Variants in SYCP1 observed in about 807,000 individuals in gnomAD.
SYCP1 encodes cancer/testis antigen 8.
Under a neutral mutation model 153.1 loss-of-function variants are expected in SYCP1, and 64 were observed. The ratio of observed to expected loss-of-function variants is 0.42; its 90% CI spans 0.34 to 0.51. The LOEUF (loss-of-function observed/expected upper bound fraction) is 0.51, where lower values mean the gene tolerates loss of function less well. Among genes scored for constraint, SYCP1 ranks in the 20% least tolerant of loss-of-function variants. SYCP1 has a pLI of 0.06. For synonymous variants in SYCP1, 384 were observed against 341.8 expected (o/e 1.12, Z -1.36); for missense variants, 997 against 1,049.0 (o/e 0.95, Z 0.68).
chr1:114,893,867 T>G (rs1381108535), intron 15 of SYCP1, among the ~76,000 whole-genome samples: 1 of 152,098 alleles, frequency 6.6e-6, no homozygotes, highest in East Asian at 1.9e-4. Flanking sequence ...GCCACCCAAA[T>G]TCCTAGGATC....
At chr1:114,934,012 C>T (rs1260300040) in intron 23 of SYCP1, among the ~76,000 whole-genome samples, 1 of 152,078 alleles carries the variant, frequency 6.6e-6, no homozygotes, top group Non-Finnish European at 1.5e-5. Context: ...GGAGAACTTC[C>T]CCAACCTAGC....
intron 27 of SYCP1, among the ~76,000 whole-genome samples, chr1:114,977,106 T>G (rs930483618): frequency 1.3e-5 from 2 of 151,798 alleles, no homozygotes; most frequent in Non-Finnish European, 3.0e-5. Context: ...ATTTTTATCT[T>G]GACTATACAC....
chr1:114,855,527 T>G lies in SYCP1; in HGVS notation c.63T>G (p.Ser21=). 6.2e-7 allele frequency: 1 copy of G among 1,612,412 alleles called. No homozygotes were observed. Among genetic ancestry groups the G allele is most frequent in the Non-Finnish European group, 8.5e-7 (1 of 1,179,056 alleles). ...VPPRSSSSQV[S]AVKPQTLGGD... ...CGAGATCAAGCAGCAGTCAGGTGTC[T>G]GCGGTGAAACCTCAGACCCTGGGAG... The change falls in exon 2 of 32, where the codon TCT becomes TCG. Residue 21 remains serine, a synonymous_variant. Coordinates refer to ENST00000369522, the MANE Select transcript of SYCP1 (RefSeq NM_003176.4).
chr1:114,933,132 G>T (rs924279397), intron 23 of SYCP1, among the ~76,000 whole-genome samples: 1 of 152,166 alleles, frequency 6.6e-6, no homozygotes, highest in African/African-American at 2.4e-5. Flanking sequence ...TAGCCTAACT[G>T]GGAGGCACCT....
In SYCP1 at chr1:114,856,556, C is replaced by A. The variant is rs764577075; in HGVS notation, c.109-17C>A. 1.3e-6 allele frequency: 2 copies of A among 1,587,780 alleles called. No individual in the cohort carries two copies. Among genetic ancestry groups the A allele is most frequent in the African/African-American group, 1.3e-5 (1 of 74,170 alleles). On this transcript the variant is annotated splice_polypyrimidine_tract_variant and intron_variant, in intron 2 of 31. Coordinates refer to ENST00000369522, the MANE Select transcript of SYCP1 (RefSeq NM_003176.4). ...TGGTATGAAACAGAATATTTAAGAA[C>A]TTCTTTGTGTCTCTAGAGTTTCAAC...
chr1:114,984,865 T>C lies in SYCP1; in HGVS notation c.2700T>C (p.Leu900=). ...CAGATAGTTCAGAAACTACTGATCTTTTGGTAAAAATTTTACAAATAATAT... is the reference window on the plus strand; with the variant it reads ...CAGATAGTTCAGAAACTACTGATCTCTTGGTAAAAATTTTACAAATAATAT... ...INSDSSETTD[L]LSMVSEEETL... is the part of the protein sequence containing the mutation. Residue 900 remains leucine, a synonymous_variant, in exon 30 of 32, where the codon CTT becomes CTC. Coordinates refer to ENST00000369522, the MANE Select transcript of SYCP1 (RefSeq NM_003176.4). 1 of 1,370,944 alleles carries C rather than the reference T, an allele frequency of 7.3e-7. No individual in the cohort carries two copies. Among genetic ancestry groups the C allele is most frequent in the Non-Finnish European group, 9.7e-7 (1 of 1,032,228 alleles). 84.9% of individuals were successfully genotyped at this position (1,370,944 alleles called of 1,614,324 possible). A position where few individuals can be genotyped will look rare whatever the true frequency, so the allele number is the denominator to read the frequency against.
In SYCP1 at chr1:114,995,315, ATGCATTAT is replaced by A. The variant is rs1373829885; in HGVS notation, c.*299_*306del. ...TAAAGTTAGCCTTTGAATGCTAAGA[ATGCATTAT>A]TGAGGGTCATTCTTTATTCTTTACT... On this transcript the variant is annotated 3_prime_UTR_variant, in exon 32 of 32. Coordinates refer to ENST00000369522, the MANE Select transcript of SYCP1 (RefSeq NM_003176.4). The A allele has an allele frequency of 1.4e-4, 29 of 207,652 alleles. No individual in the cohort carries two copies. The highest frequency in any genetic ancestry group is 1.4e-3 in the South Asian group (13 of 9,628). 12.9% of individuals were successfully genotyped at this position (207,652 alleles called of 1,614,324 possible).
At chr1:114,926,165 T>C in intron 21 of SYCP1, 113 bp from the exon 22 acceptor site, 5 of 749,144 alleles carry the variant, frequency 6.7e-6, no homozygotes, top group Non-Finnish European at 9.2e-6. Flanking sequence ...GGAATTACCA[T>C]GATTTTGAAG....
chr1:114,929,611 A>G (rs1247435507), intron 23 of SYCP1, among the ~76,000 whole-genome samples: 3 of 152,068 alleles, frequency 2.0e-5, no homozygotes, highest in Non-Finnish European at 2.9e-5. Context: ...TAGTATTATT[A>G]AAGATCAGTA....
chr1:114,967,006 G>A lies in SYCP1; in HGVS notation c.2323-10551G>A, dbSNP rs148991256. Among the ~76,000 whole-genome samples the A allele has an allele frequency of 1.0e-3, 158 of 152,208 alleles. 2 individuals carry two copies. The highest frequency in any genetic ancestry group is 3.7e-3 in the African/African-American group (153 of 41,526). Reference sequence around the variant, plus strand: ...GGCCTTGAGTGAGTTTCTTAATCCTGAGTTCTAATTTCCTTGCACTGTGGT... The same window carrying A: ...GGCCTTGAGTGAGTTTCTTAATCCTAAGTTCTAATTTCCTTGCACTGTGGT... On this transcript the variant is annotated intron_variant, in intron 27 of 31. Transcript: ENST00000369522.
intron 8 of SYCP1, among the ~76,000 whole-genome samples, chr1:114,864,964 T>C (rs1442365056): frequency 2.6e-5 from 4 of 152,188 alleles, no homozygotes; most frequent in African/African-American, 9.6e-5. Context: ...CTGCACCCAT[T>C]AACTCGTCAT....
At chr1:114,924,316 G>A (rs967301224) in intron 21 of SYCP1, among the ~76,000 whole-genome samples, 2 of 152,140 alleles carry the variant, frequency 1.3e-5, no homozygotes, top group African/African-American at 4.8e-5. Context: ...ACTGTGGCTA[G>A]GGGATAGAGT....
chr1:114,883,114 C>A (rs940396126), intron 12 of SYCP1, among the ~76,000 whole-genome samples: 3 of 152,142 alleles, frequency 2.0e-5, no homozygotes, highest in Non-Finnish European at 2.9e-5. Flanking sequence ...TTTGGCCTGG[C>A]AAATTCCTAT....
Position 114,954,497 on chromosome 1 carries a change from T to A in SYCP1, c.2322+7177T>A, listed in dbSNP as rs368082645. On this transcript the variant is annotated intron_variant, in intron 27 of 31. Coordinates refer to ENST00000369522, the MANE Select transcript of SYCP1 (RefSeq NM_003176.4). ...AGGATGAAGCACTAATATTAATAAA[T>A]ACAATAATAATTAATTATATTTTAT... is the stretch of plus-strand genomic sequence containing the variant. 8.8e-3 allele frequency among the ~76,000 whole-genome samples: 1,330 copies of A among 151,414 alleles called. 1 individual carries two copies. Among genetic ancestry groups the A allele is most frequent in the Non-Finnish European group, 0.014 (927 of 67,804 alleles).
intron 23 of SYCP1, among the ~76,000 whole-genome samples, chr1:114,940,360 G>A (rs544950539): frequency 6.6e-6 from 1 of 152,286 alleles, no homozygotes; most frequent in East Asian, 1.9e-4. Flanking sequence ...GTCTCCCAAA[G>A]TGCTGAGGTT....
At position 114,856,672 on chromosome 1, in the gene SYCP1, A is replaced by T; in HGVS notation, c.193+15A>T. The stretch of plus-strand genomic sequence containing the variant: ...CATTGATTCAGGTAGGAGCATGGAA[A>T]AGCAGTGTATCAGCTTATATAGAAA... On this transcript the variant is annotated intron_variant, in intron 3 of 31. Transcript: ENST00000369522. 1 of 1,588,672 alleles carries T rather than the reference A, an allele frequency of 6.3e-7. No homozygotes were observed. The highest frequency in any genetic ancestry group is 8.6e-7 in the Non-Finnish European group (1 of 1,162,150).
chr1:114,940,323 T>C (rs1160300614), intron 23 of SYCP1, among the ~76,000 whole-genome samples: 1 of 152,098 alleles, frequency 6.6e-6, no homozygotes, highest in Non-Finnish European at 1.5e-5. Context: ...TCTCAAACTC[T>C]TGGCCTCAAG....
At chr1:114,905,913 G>A (rs1345270029) in intron 16 of SYCP1, among the ~76,000 whole-genome samples, 2 of 151,980 alleles carry the variant, frequency 1.3e-5, no homozygotes, top group African/African-American at 4.8e-5. Context: ...TGTACAGTCT[G>A]TAGGATTACC....
intron 27 of SYCP1, among the ~76,000 whole-genome samples, chr1:114,948,810 C>A (rs887671101): frequency 1.3e-5 from 2 of 152,112 alleles, no homozygotes; most frequent in South Asian, 4.1e-4. Flanking sequence ...TCATGCTTAC[C>A]TTTATCCTAC....
Sources: gnomAD v4.1 joint callset for allele counts (sites outside exome capture counted in the v4.1 genomes callset) on GRCh38, gnomAD v4.1.1 for gene constraint, MANE v1.5 for transcripts, NCBI Gene and HGNC (gene_info 2026-07-23, HGNC 2026-07-21) for gene names.